The following RIMS2 variants were observed in gnomAD, a reference collection of about 807,000 sequenced individuals.
RIMS2 encodes the protein regulating synaptic membrane exocytosis protein 2.
A neutral mutation model predicts 174.4 loss-of-function variants in RIMS2; 59 were observed. That is an observed-to-expected ratio of 0.34 (90% confidence interval 0.27 to 0.42). The LOEUF (loss-of-function observed/expected upper bound fraction) is 0.42, where lower values mean the gene tolerates loss of function less well. Among genes scored for constraint, RIMS2 ranks in the 10% least tolerant of loss-of-function variants. The pLI is 1.00. For missense variants in RIMS2, 1,620 were observed against 1,666.3 expected (o/e 0.97, Z 0.48); for synonymous variants, 606 against 572.5 (o/e 1.06, Z -0.84).
chr8:103,976,918 A>C (rs752701758), intron 16 of RIMS2: 3 of 152,224 alleles, frequency 2.0e-5, no homozygotes, highest in South Asian at 2.1e-4. Context: ...ATCTCTGATC[A>C]ACCTGGTTAA....
intron 3 of RIMS2, among the ~76,000 whole-genome samples, chr8:103,858,210 A>C (rs769415458): frequency 6.6e-6 from 1 of 152,216 alleles, no homozygotes; most frequent in African/African-American, 2.4e-5. Context: ...ACTATTGCTA[A>C]AACAGGCATG....
At chr8:103,887,151 G>T (rs2099208051) in intron 4 of RIMS2, among the ~76,000 whole-genome samples, 1 of 151,588 alleles carries the variant, frequency 6.6e-6, no homozygotes, top group African/African-American at 2.4e-5. Flanking sequence ...ATTTTAATTT[G>T]AATTTGATTG....
intron 19 of RIMS2, chr8:104,223,697 A>AT: frequency 6.3e-7 from 1 of 1,592,702 alleles, no homozygotes; most frequent in African/African-American, 1.3e-5. Flanking sequence ...GGGGCGCTCC[A>AT]TGCAGCGCTC....
In RIMS2 at chr8:103,745,562, A is replaced by G. The variant is rs147370801; in HGVS notation, c.388-20665A>G. Among the ~76,000 whole-genome samples the G allele has an allele frequency of 1.1e-4, 17 of 152,312 alleles. No individual in the cohort carries two copies. In the East Asian group the frequency reaches 3.1e-3, roughly 28 times the overall value. ...TACCAAGTTGTTTTTCACAGTAACTATATCATTTTACATTCCCACCAACAA... is the reference window on the plus strand; with the variant it reads ...TACCAAGTTGTTTTTCACAGTAACTGTATCATTTTACATTCCCACCAACAA... On this transcript the variant is annotated intron_variant, in intron 2 of 23. Transcript: ENST00000504942.
intron 19 of RIMS2, among the ~76,000 whole-genome samples, chr8:104,125,216 C>T (rs971085911): frequency 1.3e-5 from 2 of 152,160 alleles, no homozygotes; most frequent in African/African-American, 4.8e-5. Flanking sequence ...TCTGTATGTT[C>T]TGGTCAAGTT....
At chr8:103,939,284 A>G (rs1010940237) in intron 13 of RIMS2, among the ~76,000 whole-genome samples, 9 of 152,202 alleles carry the variant, frequency 5.9e-5, no homozygotes, top group African/African-American at 4.8e-5. Context: ...CCAAATCCCA[A>G]TTCTTGACTT....
chr8:104,100,640 A>G (rs1283100855), intron 19 of RIMS2, among the ~76,000 whole-genome samples: 6 of 151,620 alleles, frequency 4.0e-5, no homozygotes, highest in African/African-American at 1.5e-4. Flanking sequence ...AGTCTAGGTA[A>G]AACTTTAAGA....
chr8:103,785,150 C>T (rs566100377), intron 3 of RIMS2, among the ~76,000 whole-genome samples: 3,412 of 143,902 alleles, frequency 0.024, 337 homozygotes, highest in African/African-American at 0.084. Flanking sequence ...AGTTGCTTAC[C>T]AGCTTAAGGA....
At chr8:104,055,289 G>A (rs2096850669) in intron 19 of RIMS2, among the ~76,000 whole-genome samples, 1 of 152,026 alleles carries the variant, frequency 6.6e-6, no homozygotes, top group Non-Finnish European at 1.5e-5. Flanking sequence ...TTAGATCCCA[G>A]ATATGGAATA....
chr8:103,845,824 T>C lies in RIMS2; in HGVS notation c.699-39474T>C, dbSNP rs540457329. 8.5e-5 allele frequency among the ~76,000 whole-genome samples: 13 copies of C among 152,226 alleles called. No homozygotes were observed. In the East Asian group the frequency reaches 1.9e-3, roughly 23 times the overall value. On this transcript the variant is annotated intron_variant, in intron 3 of 23. Coordinates refer to ENST00000504942, the Ensembl canonical transcript of RIMS2. ...AATAGGAAGATCAAAGGCAGCTATTTATCCAGTGCTTTTTATTTATTCTTT... is the reference window on the plus strand; with the variant it reads ...AATAGGAAGATCAAAGGCAGCTATTCATCCAGTGCTTTTTATTTATTCTTT...
chr8:103,509,766 C>T (rs375415653), intron 1 of RIMS2, among the ~76,000 whole-genome samples: 3 of 151,840 alleles, frequency 2.0e-5, no homozygotes, highest in Admixed American at 6.6e-5. Flanking sequence ...CTTTCTAATA[C>T]GGGTAACCTA....
intron 3 of RIMS2, among the ~76,000 whole-genome samples, chr8:103,848,751 G>A (rs992501416): frequency 6.6e-6 from 1 of 151,982 alleles, no homozygotes; most frequent in African/African-American, 2.4e-5. Flanking sequence ...CTCTGGTTTT[G>A]CTCTGGGCCC....
exon 4 of RIMS2, chr8:103,885,462 C>T (rs779291464): frequency 9.3e-6 from 15 of 1,612,484 alleles, no homozygotes; most frequent in Admixed American, 1.7e-5. Context: ...TATGAAGACT[C>T]TGATCATTTA....
intron 19 of RIMS2, among the ~76,000 whole-genome samples, chr8:104,228,264 G>A (rs921996520): frequency 3.3e-5 from 5 of 151,866 alleles, no homozygotes; most frequent in African/African-American, 9.7e-5. Context: ...TCCTGACCTC[G>A]TGATCAGCCC....
intron 19 of RIMS2, among the ~76,000 whole-genome samples, chr8:104,144,768 G>C (rs568884773): frequency 1.7e-4 from 26 of 151,874 alleles, no homozygotes; most frequent in Non-Finnish European, 3.2e-4. Context: ...CAGATGACTG[G>C]CGCATCATCT....
chr8:103,980,597 A>C (rs1055466964), intron 16 of RIMS2, among the ~76,000 whole-genome samples: 98 of 152,298 alleles, frequency 6.4e-4, no homozygotes, highest in African/African-American at 2.1e-3. Context: ...GCTCAGCCAC[A>C]GTGGGTTAGA....
intron 1 of RIMS2, among the ~76,000 whole-genome samples, chr8:103,629,418 A>G (rs2095860852): frequency 6.6e-6 from 1 of 152,238 alleles, no homozygotes; most frequent in Non-Finnish European, 1.5e-5. Context: ...CTTCGGGATA[A>G]CACATAAGTG....
intron 19 of RIMS2, among the ~76,000 whole-genome samples, chr8:104,208,383 C>G (rs535243258): frequency 1.3e-5 from 2 of 151,986 alleles, no homozygotes; most frequent in Non-Finnish European, 2.9e-5. Flanking sequence ...GCCTGGCCAA[C>G]AAGGTGAAAC....
chr8:103,769,775 C>A (rs760965129), intron 3 of RIMS2, among the ~76,000 whole-genome samples: 13 of 152,186 alleles, frequency 8.5e-5, no homozygotes, highest in East Asian at 1.9e-4. Context: ...TCCTTTTATT[C>A]TTTTCTCTTT....
Sources: gnomAD v4.1 joint callset for allele counts (sites outside exome capture counted in the v4.1 genomes callset) on GRCh38, gnomAD v4.1.1 for gene constraint, MANE v1.5 for transcripts, NCBI Gene and HGNC (gene_info 2026-07-23, HGNC 2026-07-21) for gene names.